Variants in CACNA2D3 observed in about 807,000 individuals in gnomAD.
CACNA2D3 encodes voltage-dependent calcium channel subunit alpha-2/delta-3.
In CACNA2D3, 60 loss-of-function variants were observed where a neutral mutation model predicts 160.6. That is an observed-to-expected ratio of 0.37 (90% confidence interval 0.30 to 0.46). The LOEUF is 0.46. Ranked by LOEUF, CACNA2D3 falls within the 20% of genes least tolerant of loss-of-function variation. The pLI is 1.00. For synonymous variants in CACNA2D3, 558 were observed against 492.9 expected (o/e 1.13, Z -1.75); for missense variants, 1,205 against 1,365.0 (o/e 0.88, Z 1.85).
At chr3:54,409,368 A>G (rs974690200) in intron 4 of CACNA2D3, among the ~76,000 whole-genome samples, 1 of 152,174 alleles carries the variant, frequency 6.6e-6, no homozygotes, top group African/African-American at 2.4e-5. Context: ...TAAATATTGC[A>G]TGTGTTGGAC....
intron 2 of CACNA2D3, among the ~76,000 whole-genome samples, chr3:54,319,128 C>T (rs1703932204): frequency 6.7e-6 from 1 of 148,774 alleles, no homozygotes; most frequent in Non-Finnish European, 1.5e-5. Context: ...GACATTTGAG[C>T]ATTTGAACAA....
intron 13 of CACNA2D3, among the ~76,000 whole-genome samples, chr3:54,782,221 A>G (rs1702550301): frequency 6.6e-6 from 1 of 152,220 alleles, no homozygotes; most frequent in South Asian, 2.1e-4. Flanking sequence ...ATAGACTAAA[A>G]TTAGCATTCA....
intron 11 of CACNA2D3, among the ~76,000 whole-genome samples, chr3:54,644,789 C>G (rs1157652541): frequency 6.6e-6 from 1 of 152,172 alleles, no homozygotes; most frequent in Admixed American, 6.5e-5. Context: ...CTAACTAGTT[C>G]CTGAGTGCTG....
chr3:54,369,242 C>A (rs1453168808), intron 3 of CACNA2D3, among the ~76,000 whole-genome samples: 1 of 151,184 alleles, frequency 6.6e-6, no homozygotes, highest in African/African-American at 2.5e-5. Flanking sequence ...AAACAAAAAA[C>A]TTGTAAAATA....
At chr3:54,190,585 C>G (rs1700960446) in intron 2 of CACNA2D3, among the ~76,000 whole-genome samples, 1 of 152,230 alleles carries the variant, frequency 6.6e-6, no homozygotes. Flanking sequence ...GAGTTTCTGT[C>G]TATAGAGACC....
At chr3:54,203,109 C>A (rs1701207385) in intron 2 of CACNA2D3, among the ~76,000 whole-genome samples, 1 of 152,190 alleles carries the variant, frequency 6.6e-6, no homozygotes, top group African/African-American at 2.4e-5. Context: ...CTGCATGTGT[C>A]TTTGACAGGG....
chr3:54,384,146 AT>A (rs1264943923), intron 3 of CACNA2D3, among the ~76,000 whole-genome samples: 1 of 151,472 alleles, frequency 6.6e-6, no homozygotes, highest in Non-Finnish European at 1.5e-5. Flanking sequence ...TTTCAGTATT[AT>A]CTGTCTTGGT....
chr3:55,068,508 A>G (rs1395579737), intron 35 of CACNA2D3, among the ~76,000 whole-genome samples: 1 of 152,112 alleles, frequency 6.6e-6, no homozygotes. Flanking sequence ...TCTATACCTA[A>G]TACATCTTAT....
chr3:54,369,008 G>A (rs1698875899), intron 3 of CACNA2D3, among the ~76,000 whole-genome samples: 1 of 151,872 alleles, frequency 6.6e-6, no homozygotes, highest in Admixed American at 6.6e-5. Context: ...GCCGGCAGTA[G>A]GGTTCTCTTA....
At chr3:54,831,169 C>T (rs1241633481) in intron 14 of CACNA2D3, among the ~76,000 whole-genome samples, 2 of 152,128 alleles carry the variant, frequency 1.3e-5, no homozygotes, top group Non-Finnish European at 2.9e-5. Flanking sequence ...GAGCTGAGTC[C>T]ACCATTTGTG....
chr3:54,462,259 T>C (rs1700520492), intron 4 of CACNA2D3, among the ~76,000 whole-genome samples: 1 of 152,192 alleles, frequency 6.6e-6, no homozygotes. Context: ...TTCTGTTGAT[T>C]TGTGGTGGAG....
In CACNA2D3 at chr3:54,504,064, G is replaced by A. The variant is rs114735996; in HGVS notation, c.544+410G>A. Among the ~76,000 whole-genome samples, 331 of 152,312 alleles carry A rather than the reference G, an allele frequency of 2.2e-3. 1 individual carries two copies. Among genetic ancestry groups the A allele is most frequent in the African/African-American group, 7.5e-3 (310 of 41,570 alleles). On this transcript the variant is annotated intron_variant, in intron 5 of 37. Coordinates refer to ENST00000474759, the MANE Select transcript of CACNA2D3 (RefSeq NM_018398.3). The stretch of plus-strand genomic sequence containing the variant: ...AGAGATGGCTGGATGTAACCTGCAG[G>A]CTGTAGTCTTCTGACCCCTGATGTG...
intron 2 of CACNA2D3, among the ~76,000 whole-genome samples, chr3:54,169,210 T>C (rs1700511069): frequency 6.6e-6 from 1 of 152,176 alleles, no homozygotes; most frequent in South Asian, 2.1e-4. Context: ...TTCGAAAGTA[T>C]CAAGGCTGAA....
intron 3 of CACNA2D3, among the ~76,000 whole-genome samples, chr3:54,359,001 G>A (rs527671570): frequency 6.6e-6 from 1 of 152,014 alleles, no homozygotes; most frequent in Admixed American, 6.5e-5. Context: ...ATTATTTACT[G>A]GATCTCCAGT....
intron 37 of CACNA2D3, 60 bp from the exon 38 acceptor site, chr3:55,074,054 G>GAA (rs1213308338): frequency 4.3e-6 from 6 of 1,403,126 alleles, no homozygotes; most frequent in African/African-American, 1.4e-5. Flanking sequence ...GAGGTCTGGG[G>GAA]AAAGTTGAAG....
chr3:54,931,023 G>A (rs1459212110), intron 27 of CACNA2D3, among the ~76,000 whole-genome samples: 1 of 152,192 alleles, frequency 6.6e-6, no homozygotes, highest in Non-Finnish European at 1.5e-5. Context: ...TTGAACCCAG[G>A]AGGCAGAGGT....
intron 9 of CACNA2D3, among the ~76,000 whole-genome samples, chr3:54,618,374 T>TATATATACACAC: frequency 3.3e-4 from 18 of 54,556 alleles, no homozygotes; most frequent in African/African-American, 4.5e-4. Flanking sequence ...TATATATATA[T>TATATATACACAC]GCACACACAC....
chr3:54,448,327 C>T (rs1280370220), intron 4 of CACNA2D3, among the ~76,000 whole-genome samples: 1 of 152,160 alleles, frequency 6.6e-6, no homozygotes, highest in Non-Finnish European at 1.5e-5. Context: ...TGAGTACTGG[C>T]TGCTGAGGCC....
In CACNA2D3 at chr3:55,025,767, A is replaced by G. The variant is rs570869159; in HGVS notation, c.2987+7450A>G. Among the ~76,000 whole-genome samples the G allele has an allele frequency of 3.4e-4, 52 of 152,172 alleles. No individual in the cohort carries two copies. In the South Asian group the frequency reaches 0.011, roughly 31 times the overall value. On this transcript the variant is annotated intron_variant, in intron 35 of 37. Coordinates refer to ENST00000474759, the MANE Select transcript of CACNA2D3 (RefSeq NM_018398.3). The stretch of plus-strand genomic sequence containing the variant: ...AGGAGATTGGGTAGTAAGTGGAGTA[A>G]AGCTTTGCACAGTGTGCTAGCAGCA...
Sources: allele counts gnomAD v4.1 joint callset (sites outside exome capture counted in the v4.1 genomes callset), GRCh38; gene constraint gnomAD v4.1.1; transcripts MANE v1.5; gene names NCBI Gene and HGNC (gene_info 2026-07-23, HGNC 2026-07-21).